Variants in LRRC4C observed in about 807,000 individuals in gnomAD.
LRRC4C encodes the protein leucine rich repeat containing 4C.
LRRC4C carries 5 observed loss-of-function variants against 33.6 expected under a neutral mutation model. That is an observed-to-expected ratio of 0.15 (90% CI 0.08 to 0.31). The LOEUF is 0.31. LRRC4C is among the 10% of genes least tolerant of loss of function. The pLI, the probability that LRRC4C is intolerant of heterozygous loss-of-function variation, is 1.00. For synonymous variants in LRRC4C, 329 were observed against 302.0 expected, an observed-to-expected ratio of 1.09 and a Z score of -0.93; for missense variants, 560 against 796.7, an observed-to-expected ratio of 0.70 and a Z score of 3.58.
At chr11:40,506,578 C>G (rs553107645) in intron 3 of LRRC4C, among the ~76,000 whole-genome samples, 11 of 152,106 alleles carry the variant, frequency 7.2e-5, no homozygotes, top group Non-Finnish European at 1.2e-4. Flanking sequence ...TATATTTGCT[C>G]TCTTCTATTT....
At chr11:40,833,280 G>A (rs76397386) in intron 2 of LRRC4C, among the ~76,000 whole-genome samples, 15,508 of 152,038 alleles carry the variant, frequency 0.1, 844 homozygotes, top group South Asian at 0.15. Flanking sequence ...TACAGATAAG[G>A]AGGAAAGATA....
intron 1 of LRRC4C, among the ~76,000 whole-genome samples, chr11:40,980,539 G>A (rs1198708098): frequency 6.6e-6 from 1 of 152,022 alleles, no homozygotes; most frequent in African/African-American, 2.4e-5. Context: ...AAGAACCAGA[G>A]CAGAGTTTAG....
At chr11:40,770,093 T>A (rs1340090344) in intron 2 of LRRC4C, among the ~76,000 whole-genome samples, 3 of 152,138 alleles carry the variant, frequency 2.0e-5, no homozygotes, top group Non-Finnish European at 2.9e-5. Flanking sequence ...CAGAAAGCAT[T>A]TGCAAACTAT....
At chr11:40,671,456 A>G (rs1431191082) in intron 2 of LRRC4C, among the ~76,000 whole-genome samples, 1 of 152,110 alleles carries the variant, frequency 6.6e-6, no homozygotes, top group Non-Finnish European at 1.5e-5. Flanking sequence ...AGATAGAGAA[A>G]AGTTGCTTCT....
intron 1 of LRRC4C, among the ~76,000 whole-genome samples, chr11:41,244,171 C>CTCTATCTA (rs373356899): frequency 1.1e-3 from 157 of 146,794 alleles, no homozygotes; most frequent in Admixed American, 2.0e-3. Context: ...AGAAAGTTTT[C>CTCTATCTA]TCTATCTATC....
chr11:40,290,825 T>C (rs1416688713), intron 4 of LRRC4C, among the ~76,000 whole-genome samples: 1 of 151,738 alleles, frequency 6.6e-6, no homozygotes, highest in East Asian at 1.9e-4. Context: ...AATGTTGGAG[T>C]TTGTAACCCT....
At chr11:41,056,740 A>G (rs1858647423) in intron 1 of LRRC4C, among the ~76,000 whole-genome samples, 1 of 152,252 alleles carries the variant, frequency 6.6e-6, no homozygotes, top group Non-Finnish European at 1.5e-5. Context: ...CAGAGTGGCT[A>G]ATATTAAAAA....
At chr11:40,559,732 A>G (rs1414047203) in intron 3 of LRRC4C, among the ~76,000 whole-genome samples, 1 of 151,950 alleles carries the variant, frequency 6.6e-6, no homozygotes. Context: ...ATTATTTTTG[A>G]CTTTTAATGG....
At chr11:40,793,055 G>T (rs1282097854) in intron 2 of LRRC4C, among the ~76,000 whole-genome samples, 2 of 152,020 alleles carry the variant, frequency 1.3e-5, no homozygotes, top group Non-Finnish European at 2.9e-5. Context: ...GTTAATGGGT[G>T]CAGCACACCA....
At chr11:40,189,624 A>G (rs1286143457) in intron 5 of LRRC4C, among the ~76,000 whole-genome samples, 1 of 152,214 alleles carries the variant, frequency 6.6e-6, no homozygotes, top group African/African-American at 2.4e-5. Context: ...AACAACCAGA[A>G]GAGACACTGG....
intron 5 of LRRC4C, among the ~76,000 whole-genome samples, chr11:40,174,175 C>T (rs140444943): frequency 2.3e-4 from 35 of 152,202 alleles, no homozygotes; most frequent in Non-Finnish European, 5.0e-4. Context: ...TAGATAATAT[C>T]GTATTTATTA....
At chr11:40,995,521 T>G (rs545752240) in intron 1 of LRRC4C, among the ~76,000 whole-genome samples, 10 of 152,298 alleles carry the variant, frequency 6.6e-5, no homozygotes, top group South Asian at 2.1e-4. Context: ...TTTTCCTTTC[T>G]AATCACGTCT....
chr11:41,426,314 A>G (rs1398916714), intron 1 of LRRC4C: 2 of 152,162 alleles, frequency 1.3e-5, no homozygotes, highest in Non-Finnish European at 2.9e-5. Flanking sequence ...GGCTGCTTCC[A>G]TGATCTGGCA....
chr11:40,221,138 A>G (rs778731849), intron 5 of LRRC4C, among the ~76,000 whole-genome samples: 28 of 152,104 alleles, frequency 1.8e-4, no homozygotes, highest in Admixed American at 5.2e-4. Context: ...GGCCTCCCAG[A>G]GTGCTGTTCA....
intron 5 of LRRC4C, among the ~76,000 whole-genome samples, chr11:40,159,078 C>T (rs762570352): frequency 2.0e-5 from 3 of 152,090 alleles, no homozygotes; most frequent in Non-Finnish European, 2.9e-5. Context: ...AAGCAAAGTG[C>T]ACATTTCTAC....
chr11:40,871,415 C>T (rs911538050), intron 2 of LRRC4C, among the ~76,000 whole-genome samples: 1 of 152,034 alleles, frequency 6.6e-6, no homozygotes, highest in Non-Finnish European at 1.5e-5. Flanking sequence ...GGACACCCAG[C>T]TGTAAAATTT....
intron 1 of LRRC4C, among the ~76,000 whole-genome samples, chr11:41,100,415 A>T (rs151200547): frequency 8.5e-5 from 13 of 152,064 alleles, no homozygotes; most frequent in African/African-American, 2.9e-4. Context: ...AAAATACAAA[A>T]AAGTAGCTGG....
At chr11:40,957,128 A>AT (rs1238011148) in intron 1 of LRRC4C, among the ~76,000 whole-genome samples, 3 of 151,784 alleles carry the variant, frequency 2.0e-5, no homozygotes, top group African/African-American at 7.3e-5. Context: ...GACACTTGAC[A>AT]TTTTTGGCAA....
chr11:41,386,980 G>A (rs1179388588), intron 1 of LRRC4C, among the ~76,000 whole-genome samples: 2 of 151,694 alleles, frequency 1.3e-5, no homozygotes, highest in Non-Finnish European at 3.0e-5. Flanking sequence ...CAATTTTTTA[G>A]AGAATTGCTT....
Sources: allele counts gnomAD v4.1 joint callset (sites outside exome capture counted in the v4.1 genomes callset), GRCh38; gene constraint gnomAD v4.1.1; transcripts MANE v1.5; gene names NCBI Gene and HGNC (gene_info 2026-07-23, HGNC 2026-07-21).